The following LIMCH1 variants were observed in gnomAD, a reference collection of about 807,000 sequenced individuals.
LIMCH1 encodes the protein LIM and calponin homology domains 1.
In LIMCH1, 113 loss-of-function variants were observed where a neutral mutation model predicts 176.5. That is an observed-to-expected ratio of 0.64 (90% CI 0.55 to 0.75). The LOEUF (loss-of-function observed/expected upper bound fraction) is 0.75, where lower values mean the gene tolerates loss of function less well. Among genes scored for constraint, LIMCH1 ranks in the 30% least tolerant of loss-of-function variants. The pLI is 0.00. For synonymous variants in LIMCH1, 619 were observed against 645.9 expected (o/e 0.96, Z 0.63); for missense variants, 1,674 against 1,814.9 (o/e 0.92, Z 1.41).
chr4:41,531,375 C>T (rs2077264061), intron 3 of LIMCH1, among the ~76,000 whole-genome samples: 1 of 151,400 alleles, frequency 6.6e-6, no homozygotes, highest in Non-Finnish European at 1.5e-5. Flanking sequence ...GAATTCTTTA[C>T]TGGAGTCTTA....
chr4:41,527,783 A>G (rs1226882026), intron 3 of LIMCH1, among the ~76,000 whole-genome samples: 1 of 140,874 alleles, frequency 7.1e-6, no homozygotes, highest in East Asian at 2.1e-4. Flanking sequence ...AGATTGCGCC[A>G]CTGCACTCCA....
intron 22 of LIMCH1, among the ~76,000 whole-genome samples, chr4:41,676,150 A>G (rs995407470): frequency 1.3e-5 from 2 of 152,238 alleles, no homozygotes. Context: ...TTGTGTTTTC[A>G]TTAGCTCCAA....
chr4:41,361,093 G>A (rs1037573463), intron 1 of LIMCH1, among the ~76,000 whole-genome samples: 2 of 152,090 alleles, frequency 1.3e-5, no homozygotes, highest in Non-Finnish European at 2.9e-5. Flanking sequence ...GGCGAGCCGC[G>A]AAACCTTAGC....
At chr4:41,440,949 A>G (rs2062641990) in intron 1 of LIMCH1, among the ~76,000 whole-genome samples, 1 of 152,228 alleles carries the variant, frequency 6.6e-6, no homozygotes, top group Admixed American at 6.5e-5. Context: ...ATGTGGCAGA[A>G]TAAGAAGTTT....
At position 41,414,016 on chromosome 4, in the gene LIMCH1, T is replaced by C. The variant is rs536281958; in HGVS notation, c.96+53080T>C. Among the ~76,000 whole-genome samples the C allele has an allele frequency of 2.0e-5, 3 of 152,186 alleles. No individual in the cohort carries two copies. In the East Asian group the frequency reaches 5.8e-4, roughly 29 times the overall value. On this transcript the variant is annotated intron_variant, in intron 1 of 26. Transcript: ENST00000313860. ...AAATATCATTAGAGGGTAATAAATATATTTAGTTTAAACTTCAATTCCTTA... is the reference window on the plus strand; with the variant it reads ...AAATATCATTAGAGGGTAATAAATACATTTAGTTTAAACTTCAATTCCTTA...
At chr4:41,508,453 T>G (rs1339561807) in intron 2 of LIMCH1, among the ~76,000 whole-genome samples, 1 of 152,178 alleles carries the variant, frequency 6.6e-6, no homozygotes, top group Non-Finnish European at 1.5e-5. Flanking sequence ...CAGAGTCCTG[T>G]AGGCTGTTGG....
Position 41,360,961 on chromosome 4 carries a change from G to A in LIMCH1, c.96+25G>A. On this transcript the variant is annotated intron_variant, in intron 1 of 26. Coordinates refer to the LIMCH1 transcript ENST00000313860. The surrounding 1 kb of genome is among the most constrained non-coding windows in gnomAD (Gnocchi z 4.5). ...GGTAGGTGCGGGTGGCTGGCGGGCGGCCTTGCACTGGCGCCCTGAGCCACG... is the reference window on the plus strand; with the variant it reads ...GGTAGGTGCGGGTGGCTGGCGGGCGACCTTGCACTGGCGCCCTGAGCCACG... 2 of 1,533,026 alleles carry A rather than the reference G, an allele frequency of 1.3e-6. No homozygotes were observed. The highest frequency in any genetic ancestry group is 1.8e-6 in the Non-Finnish European group (2 of 1,135,852). 95.0% of individuals were successfully genotyped at this position (1,533,026 alleles called of 1,614,324 possible).
At chr4:41,597,773 G>T (rs2152743428) in intron 1 of LIMCH1, among the ~76,000 whole-genome samples, 1 of 152,264 alleles carries the variant, frequency 6.6e-6, no homozygotes, top group African/African-American at 2.4e-5. Context: ...AAGTCAACTT[G>T]CTAGTGACAT....
intron 1 of LIMCH1, among the ~76,000 whole-genome samples, chr4:41,552,827 G>A (rs116152184): frequency 2.5e-3 from 388 of 152,260 alleles, no homozygotes; most frequent in African/African-American, 8.7e-3. Context: ...ATAATCAGAA[G>A]TAAGACAGAC....
intron 1 of LIMCH1, among the ~76,000 whole-genome samples, chr4:41,424,134 C>T (rs1480656267): frequency 1.3e-5 from 2 of 151,156 alleles, no homozygotes; most frequent in African/African-American, 2.4e-5. Flanking sequence ...ATACATGTGA[C>T]GTAGGGCTCC....
chr4:41,645,108 G>A (rs1172573873), intron 15 of LIMCH1, among the ~76,000 whole-genome samples: 1 of 152,206 alleles, frequency 6.6e-6, no homozygotes, highest in Non-Finnish European at 1.5e-5. Context: ...CAGCACAGCT[G>A]TCACTTGCTG....
At chr4:41,516,945 T>C (rs1477018521) in intron 2 of LIMCH1, among the ~76,000 whole-genome samples, 1 of 152,172 alleles carries the variant, frequency 6.6e-6, no homozygotes, top group Non-Finnish European at 1.5e-5. Flanking sequence ...GAGAAAGGCC[T>C]CCTGCAGAGA....
At chr4:41,442,108 T>G (rs540699055) in intron 1 of LIMCH1, among the ~76,000 whole-genome samples, 65 of 152,040 alleles carry the variant, frequency 4.3e-4, no homozygotes, top group Non-Finnish European at 6.9e-4. Context: ...AAGACCAGTC[T>G]GGGCAACATG....
chr4:41,619,427 G>T lies in LIMCH1; in HGVS notation c.445G>T (p.Glu149Ter). 1 of 1,609,728 alleles carries T rather than the reference G, an allele frequency of 6.2e-7. No individual in the cohort carries two copies. Among genetic ancestry groups the T allele is most frequent in the South Asian group, 1.1e-5 (1 of 91,070 alleles). ...WSTATSPLGG[E>*]RPFSFPETIE... is the part of the protein sequence containing the mutation. ...TACCGCCACCTCCCCGCTGGGTGGGGAGAGGCCCTTCAGGTAAGGCCTGAG... is the reference window on the plus strand; with the variant it reads ...TACCGCCACCTCCCCGCTGGGTGGGTAGAGGCCCTTCAGGTAAGGCCTGAG... The change falls in exon 6 of 32, where the codon GAG (glutamate) becomes TAG (stop). Residue 149 changes from glutamate to a stop codon, truncating the protein, a stop_gained. Transcript: ENST00000503057. LOFTEE classifies it high-confidence loss of function.
chr4:41,477,691 G>A (rs1196373457), intron 1 of LIMCH1, among the ~76,000 whole-genome samples: 1 of 152,194 alleles, frequency 6.6e-6, no homozygotes, highest in African/African-American at 2.4e-5. Flanking sequence ...ACTAGGCGTT[G>A]CTACACAACT....
intron 18 of LIMCH1, among the ~76,000 whole-genome samples, chr4:41,659,502 T>C (rs1321406013): frequency 6.6e-6 from 1 of 152,118 alleles, no homozygotes; most frequent in East Asian, 1.9e-4. Context: ...TCAGTGATGG[T>C]TTCCACCAAT....
intron 1 of LIMCH1, among the ~76,000 whole-genome samples, chr4:41,362,353 T>TA (rs1388813654): frequency 1.3e-5 from 2 of 152,240 alleles, no homozygotes; most frequent in Admixed American, 1.3e-4. Context: ...TTATTTTTGA[T>TA]ATGTGGCTGG....
chr4:41,464,209 C>G (rs1406922832), intron 1 of LIMCH1, among the ~76,000 whole-genome samples: 1 of 151,544 alleles, frequency 6.6e-6, no homozygotes, highest in Non-Finnish European at 1.5e-5. Flanking sequence ...GCTCCAGTAT[C>G]CTTCTTCCTG....
Position 41,613,587 on chromosome 4 carries a change from A to C in LIMCH1, c.131A>C (p.Asp44Ala). The change falls in exon 5 of 32, where the codon GAC becomes GCC. Residue 44 changes from aspartate (D) to alanine (A), a missense_variant. Coordinates refer to ENST00000503057, the MANE Select transcript of LIMCH1 (RefSeq NM_001330672.2). ...CGCCACGGCAGAGATGATTCCTTCG[A>C]CAGCCTGGATTCCTTTGGCTCTCGC... ...PPRHGRDDSF[D>A]SLDSFGSRSR... 3 of 1,614,088 alleles carry C rather than the reference A, an allele frequency of 1.9e-6. No individual in the cohort carries two copies. The highest frequency in any genetic ancestry group is 2.5e-6 in the Non-Finnish European group (3 of 1,180,008).
Sources: gnomAD v4.1 joint callset for allele counts (sites outside exome capture counted in the v4.1 genomes callset) on GRCh38, gnomAD v4.1.1 for gene constraint, Gnocchi (gnomAD v3.1) non-coding constraint, MANE v1.5 for transcripts, NCBI Gene and HGNC (gene_info 2026-07-23, HGNC 2026-07-21) for gene names.